The following CTNNBL1 variants were observed in gnomAD, a reference collection of about 807,000 sequenced individuals.
The protein encoded by CTNNBL1 is catenin beta like 1.
CTNNBL1 carries 31 observed loss-of-function variants against 72.7 expected under a neutral mutation model. The ratio of observed to expected loss-of-function variants is 0.43; its 90% CI spans 0.32 to 0.58. The LOEUF is 0.58. CTNNBL1 is among the 20% of genes least tolerant of loss of function. The pLI is 0.08. For missense variants in CTNNBL1, 534 were observed against 725.1 expected (o/e 0.74, Z 3.03); for synonymous variants, 240 against 267.3 (o/e 0.90, Z 1.00).
At chr20:37,777,108 C>T (rs921160539) in intron 7 of CTNNBL1, among the ~76,000 whole-genome samples, 6 of 152,064 alleles carry the variant, frequency 3.9e-5, no homozygotes, top group East Asian at 3.8e-4. Context: ...AAGTCTTCAC[C>T]GAGGAGGTAA....
rs141237894 is a variant in CTNNBL1, at chr20:37,714,990, C to G, written c.31-17889C>G. Among the ~76,000 whole-genome samples the G allele has an allele frequency of 2.8e-3, 430 of 152,198 alleles. 5 individuals carry two copies. The highest frequency in any genetic ancestry group is 0.017 in the East Asian group (89 of 5,186). On this transcript the variant is annotated intron_variant, in intron 1 of 15. Coordinates refer to ENST00000361383, the MANE Select transcript of CTNNBL1 (RefSeq NM_030877.5). ...TCCATACTCTTTTCACCGCACCTCA[C>G]CCCCCCGTTCACGTGACTAGTTTAG...
intron 1 of CTNNBL1, among the ~76,000 whole-genome samples, chr20:37,717,934 A>G (rs1434822048): frequency 6.6e-6 from 1 of 152,226 alleles, no homozygotes; most frequent in African/African-American, 2.4e-5. Context: ...GTAAGGTCAC[A>G]GATCAACAGG....
At chr20:37,728,192 A>AT (rs1276637368) in intron 1 of CTNNBL1, among the ~76,000 whole-genome samples, 3 of 152,232 alleles carry the variant, frequency 2.0e-5, no homozygotes, top group Non-Finnish European at 4.4e-5. Flanking sequence ...GCCAGTCTGT[A>AT]TTGAGAAACA....
intron 5 of CTNNBL1, among the ~76,000 whole-genome samples, chr20:37,760,920 ACACT>A (rs1184361318): frequency 6.6e-6 from 1 of 152,202 alleles, no homozygotes; most frequent in East Asian, 1.9e-4. Context: ...TTTTGAACAA[ACACT>A]CAATAAAACC....
At position 37,765,354 on chromosome 20, in the gene CTNNBL1, A is replaced by G. The variant is rs2073457804; in HGVS notation, c.658+64A>G. 5 of 1,058,510 alleles carry G rather than the reference A, an allele frequency of 4.7e-6. No individual in the cohort carries two copies. In the South Asian group the frequency reaches 6.8e-5, roughly 14 times the overall value. The allele number at this position is 1,058,510 out of a possible 1,614,324, so 65.6% of individuals were successfully genotyped here. ...GTGTTTGTTTTGGGACTCTGTGCTCATTTCCCTTCCTTCTTCATAATAGAG... is the reference window on the plus strand; with the variant it reads ...GTGTTTGTTTTGGGACTCTGTGCTCGTTTCCCTTCCTTCTTCATAATAGAG... On this transcript the variant is annotated intron_variant, in intron 6 of 15. Transcript: ENST00000361383.
chr20:37,858,970 CCCTGTGTTTAA>C (rs1365413830), intron 13 of CTNNBL1, among the ~76,000 whole-genome samples: 6 of 152,018 alleles, frequency 3.9e-5, no homozygotes, highest in Admixed American at 3.9e-4. Flanking sequence ...GACCTTTCTC[CCCTGTGTTTAA>C]CCTGATTTGG....
At chr20:37,786,611 A>G (rs532231912) in intron 10 of CTNNBL1, among the ~76,000 whole-genome samples, 1 of 152,246 alleles carries the variant, frequency 6.6e-6, no homozygotes, top group East Asian at 1.9e-4. Context: ...TTGTATATAT[A>G]TGGTCTACAA....
At chr20:37,743,651 A>C (rs900039815) in intron 3 of CTNNBL1, among the ~76,000 whole-genome samples, 2 of 152,196 alleles carry the variant, frequency 1.3e-5, no homozygotes, top group African/African-American at 4.8e-5. Context: ...AATGAAATGG[A>C]GTGAAAAACC....
chr20:37,718,103 G>C (rs1201956805), intron 1 of CTNNBL1, among the ~76,000 whole-genome samples: 1 of 152,048 alleles, frequency 6.6e-6, no homozygotes, highest in African/African-American at 2.4e-5. Flanking sequence ...ATCATGGCCC[G>C]CTCTCAATGA....
intron 12 of CTNNBL1, 30 bp downstream of exon 12, chr20:37,840,229 A>G: frequency 6.7e-7 from 1 of 1,492,054 alleles, no homozygotes; most frequent in East Asian, 2.3e-5. Context: ...TAAAGCTGGG[A>G]CCGGGACTGA....
chr20:37,717,615 C>T (rs6020442), intron 1 of CTNNBL1, among the ~76,000 whole-genome samples: 72,821 of 147,842 alleles, frequency 0.49, 20,112 homozygotes, highest in African/African-American at 0.77. Context: ...TTTTTCTTTT[C>T]TTTTTTTTTT....
At chr20:37,699,450 T>C (rs554528854) in intron 1 of CTNNBL1, among the ~76,000 whole-genome samples, 2 of 152,358 alleles carry the variant, frequency 1.3e-5, no homozygotes, top group Admixed American at 1.3e-4. Context: ...GAGGTCAAGC[T>C]GCCTGCCGAA....
rs367572572 is a variant in CTNNBL1, at chr20:37,733,777, A to G, written c.219+710A>G. On this transcript the variant is annotated intron_variant, in intron 2 of 15. Coordinates refer to ENST00000361383, the MANE Select transcript of CTNNBL1 (RefSeq NM_030877.5). ...GTATATTGTCTGCATAGCACGTATC[A>G]TGATTTGAAATTCTAGTTGTTTATT... 3.9e-5 allele frequency among the ~76,000 whole-genome samples: 6 copies of G among 152,296 alleles called. No individual in the cohort carries two copies. The East Asian group carries it at 5.8e-4, about 15-fold the overall frequency.
chr20:37,812,225 C>T (rs2072017893), intron 11 of CTNNBL1, among the ~76,000 whole-genome samples: 1 of 152,162 alleles, frequency 6.6e-6, no homozygotes, highest in African/African-American at 2.4e-5. Flanking sequence ...GAGTGTCTGA[C>T]GTAGTCTCTA....
intron 11 of CTNNBL1, among the ~76,000 whole-genome samples, chr20:37,815,063 TA>T (rs776772303): frequency 7.5e-6 from 1 of 133,138 alleles, no homozygotes; most frequent in Non-Finnish European, 1.6e-5. Context: ...AACACTATGT[TA>T]GGGACTCTGT....
chr20:37,840,671 G>A (rs2072296431), intron 12 of CTNNBL1, among the ~76,000 whole-genome samples: 1 of 152,214 alleles, frequency 6.6e-6, no homozygotes, highest in South Asian at 2.1e-4. Flanking sequence ...TTACTAAGGT[G>A]GTGGTAATAA....
intron 5 of CTNNBL1, among the ~76,000 whole-genome samples, chr20:37,760,511 T>TG (rs1485089895): frequency 6.6e-6 from 1 of 152,244 alleles, no homozygotes; most frequent in African/African-American, 2.4e-5. Context: ...GGATTATAGA[T>TG]GTCTGTTTAT....
chr20:37,779,133 C>G, intron 9 of CTNNBL1, 54 bp from the exon 10 acceptor site: 4 of 1,582,192 alleles, frequency 2.5e-6, no homozygotes, highest in Non-Finnish European at 3.5e-6. Flanking sequence ...GATGGAGGCT[C>G]ATGAAAAGAC....
intron 4 of CTNNBL1, among the ~76,000 whole-genome samples, chr20:37,755,565 A>C (rs556832540): frequency 4.6e-5 from 7 of 152,314 alleles, no homozygotes; most frequent in Non-Finnish European, 7.4e-5. Context: ...AAGCATAGTT[A>C]ATTATTCGTG....
Sources: gnomAD v4.1 joint callset for allele counts (sites outside exome capture counted in the v4.1 genomes callset) on GRCh38, gnomAD v4.1.1 for gene constraint, MANE v1.5 for transcripts, NCBI Gene and HGNC (gene_info 2026-07-23, HGNC 2026-07-21) for gene names.